Variants in ARHGEF28 observed in about 807,000 individuals in gnomAD.
The protein encoded by ARHGEF28 is 190 kDa guanine nucleotide exchange factor.
A neutral mutation model predicts 206.6 loss-of-function variants in ARHGEF28; 152 were observed. The observed-to-expected ratio is 0.74, with a 90% CI of 0.64 to 0.84. ARHGEF28 has a LOEUF of 0.84. Among genes scored for constraint, ARHGEF28 ranks in the 40% least tolerant of loss-of-function variants. ARHGEF28 has a pLI of 0.00. For synonymous variants in ARHGEF28, 763 were observed against 776.4 expected (o/e 0.98, Z 0.29); for missense variants, 2,028 against 2,073.2 (o/e 0.98, Z 0.42).
chr5:73,911,479 C>A lies in ARHGEF28; in HGVS notation c.4852C>A (p.Gln1618Lys). 1 of 1,613,972 alleles carries A rather than the reference C, an allele frequency of 6.2e-7. No individual in the cohort carries two copies. The highest frequency in any genetic ancestry group is 8.5e-7 in the Non-Finnish European group (1 of 1,179,870). The change falls in exon 35 of 36, where the codon CAG becomes AAG. Residue 1618 changes from glutamine to lysine, a missense_variant. Gln to Lys is a moderately conservative substitution (Grantham distance 53). Around this residue, in one of 3 missense-constraint regions of ARHGEF28, gnomAD observed 803 missense variants for 768.0 expected, o/e 1.05. Transcript: ENST00000513042. The part of the protein sequence containing the change: ...HQVDLKVDPS[Q>K]PSNVSHKLWT... ...AGTAGACCTCAAGGTGGACCCTTCT[C>A]AGCCTTCGAATGTCAGTCACAAACT...
chr5:73,763,784 C>T (rs182823362), intron 4 of ARHGEF28, among the ~76,000 whole-genome samples: 1 of 152,188 alleles, frequency 6.6e-6, no homozygotes, highest in Admixed American at 6.5e-5. Context: ...AGGAGGTATG[C>T]CATAATTGCT....
chr5:73,904,542 T>A, intron 33 of ARHGEF28, 137 bp downstream of exon 33: 1 of 938,616 alleles, frequency 1.1e-6, no homozygotes, highest in Non-Finnish European at 1.6e-6. Context: ...CTTCTAAGTG[T>A]GATGTGTTGG....
chr5:73,708,453 T>G (rs955960281), intron 2 of ARHGEF28, among the ~76,000 whole-genome samples: 1 of 152,204 alleles, frequency 6.6e-6, no homozygotes, highest in African/African-American at 2.4e-5. Context: ...GGACATGCAG[T>G]ATTTCATTTT....
intron 1 of ARHGEF28, among the ~76,000 whole-genome samples, chr5:73,675,542 C>G (rs1399498946): frequency 4.6e-5 from 7 of 151,880 alleles, no homozygotes; most frequent in African/African-American, 1.7e-4. Flanking sequence ...ACCAACCTGG[C>G]GAACACTGTG....
intron 2 of ARHGEF28, among the ~76,000 whole-genome samples, chr5:73,703,901 G>A (rs1748758259): frequency 6.6e-6 from 1 of 151,856 alleles, no homozygotes; most frequent in Non-Finnish European, 1.5e-5. Flanking sequence ...ACGTGCGCCT[G>A]TAGTCCCAGC....
rs1194089354 is a variant in ARHGEF28, at chr5:73,868,196, T to C, written c.2394T>C (p.Ser798=). Residue 798 remains serine, a synonymous_variant, in exon 20 of 36, where the codon TCT becomes TCC. Coordinates refer to ENST00000513042, the MANE Select transcript of ARHGEF28 (RefSeq NM_001177693.2). ...HSDELLQSMG[S]SPSTESFIME... ...ATGAGCTGCTACAGTCCATGGGCTC[T>C]TCTCCCTCTACAGAGTCTTTCATAA... 6.3e-7 allele frequency: 1 copy of C among 1,595,468 alleles called. No homozygotes were observed. Among genetic ancestry groups the C allele is most frequent in the Non-Finnish European group, 8.5e-7 (1 of 1,170,124 alleles).
chr5:73,787,286 A>G (rs1754221190), intron 7 of ARHGEF28, among the ~76,000 whole-genome samples: 1 of 152,226 alleles, frequency 6.6e-6, no homozygotes, highest in Admixed American at 6.5e-5. Context: ...ATATCTGGTC[A>G]AGCACTTGAA....
chr5:73,664,721 G>A (rs1745835731), intron 1 of ARHGEF28, among the ~76,000 whole-genome samples: 1 of 152,070 alleles, frequency 6.6e-6, no homozygotes, highest in African/African-American at 2.4e-5. Context: ...TTTTGGCCTT[G>A]CAAGTAGCAA....
chr5:73,758,582 G>A (rs1410897620), intron 4 of ARHGEF28, among the ~76,000 whole-genome samples: 1 of 151,612 alleles, frequency 6.6e-6, no homozygotes, highest in African/African-American at 2.4e-5. Flanking sequence ...TTGAGACGAA[G>A]TCTCACTCTG....
At chr5:73,741,318 A>G (rs1751361731) in intron 2 of ARHGEF28, among the ~76,000 whole-genome samples, 1 of 145,626 alleles carries the variant, frequency 6.9e-6, no homozygotes, top group Non-Finnish European at 1.5e-5. Context: ...CAAGGGTGAA[A>G]GTCGTCTAGA....
chr5:73,783,357 T>TGTGC (rs111266862), intron 7 of ARHGEF28, among the ~76,000 whole-genome samples: 3 of 102,768 alleles, frequency 2.9e-5, no homozygotes, highest in African/African-American at 8.1e-5. Flanking sequence ...TGTGTGTGTG[T>TGTGC]GTGTGTGTGT....
chr5:73,673,961 C>T (rs1746500099), intron 1 of ARHGEF28, among the ~76,000 whole-genome samples: 1 of 149,138 alleles, frequency 6.7e-6, no homozygotes, highest in South Asian at 2.1e-4. Context: ...TGCTTGAGCT[C>T]AGGAGTTCAA....
At chr5:73,921,818 G>A (rs1406832241) in intron 35 of ARHGEF28, among the ~76,000 whole-genome samples, 1 of 152,174 alleles carries the variant, frequency 6.6e-6, no homozygotes, top group East Asian at 1.9e-4. Flanking sequence ...GTAAGGCTTT[G>A]GAAGAACCGT....
At chr5:73,912,606 G>A (rs1443367338) in intron 35 of ARHGEF28, among the ~76,000 whole-genome samples, 10 of 152,252 alleles carry the variant, frequency 6.6e-5, no homozygotes, top group South Asian at 2.1e-4. Flanking sequence ...TTAAGTCACC[G>A]TGGTAACATT....
chr5:73,715,020 T>A (rs934642700), intron 2 of ARHGEF28, among the ~76,000 whole-genome samples: 3 of 152,244 alleles, frequency 2.0e-5, no homozygotes, highest in Admixed American at 6.5e-5. Flanking sequence ...TTATCACTCC[T>A]TAATACAAAG....
intron 4 of ARHGEF28, among the ~76,000 whole-genome samples, chr5:73,760,830 C>G (rs1443046638): frequency 1.3e-5 from 2 of 152,174 alleles, no homozygotes; most frequent in African/African-American, 2.4e-5. Flanking sequence ...TAGGTAAACT[C>G]TTATTGAACA....
intron 1 of ARHGEF28, among the ~76,000 whole-genome samples, chr5:73,627,810 T>C (rs563337446): frequency 2.0e-5 from 3 of 152,178 alleles, no homozygotes; most frequent in Non-Finnish European, 4.4e-5. Flanking sequence ...GAGCTAGCTA[T>C]AGAGTGTGTG....
intron 4 of ARHGEF28, among the ~76,000 whole-genome samples, chr5:73,754,040 A>C (rs901667094): frequency 6.6e-6 from 1 of 152,190 alleles, no homozygotes; most frequent in Admixed American, 6.5e-5. Context: ...TTGTTTTGTA[A>C]TTTATTAAAT....
At chr5:73,777,223 GTT>G (rs1220197524) in intron 6 of ARHGEF28, among the ~76,000 whole-genome samples, 2 of 151,720 alleles carry the variant, frequency 1.3e-5, no homozygotes, top group Non-Finnish European at 2.9e-5. Context: ...CAGTCTCAGG[GTT>G]TAAAACATTT....
Sources: allele counts gnomAD v4.1 joint callset (sites outside exome capture counted in the v4.1 genomes callset), GRCh38; gene constraint gnomAD v4.1.1; regional missense constraint gnomAD v4.1.1; transcripts MANE v1.5; gene names NCBI Gene and HGNC (gene_info 2026-07-23, HGNC 2026-07-21).